Variants in RALYL observed in about 807,000 individuals in gnomAD.
RALYL encodes the protein RNA-binding Raly-like protein.
In RALYL, 29 loss-of-function variants were observed where a neutral mutation model predicts 35.1. That is an observed-to-expected ratio of 0.83 (90% CI 0.61 to 1.13). The LOEUF (loss-of-function observed/expected upper bound fraction) is 1.13, where lower values mean the gene tolerates loss of function less well. RALYL is among the 50% of genes most tolerant of loss of function. The pLI, the probability that RALYL is intolerant of heterozygous loss-of-function variation, is 0.00. For synonymous variants in RALYL, 120 were observed against 127.6 expected (o/e 0.94, Z 0.40); for missense variants, 359 against 360.4 (o/e 1.00, Z 0.03).
In RALYL at chr8:84,595,575, C is replaced by T. The variant is rs543356849; in HGVS notation, c.256+65998C>T. On this transcript the variant is annotated intron_variant, in intron 2 of 8. Transcript: ENST00000521268. The stretch of plus-strand genomic sequence containing the variant: ...CTTTAGTTTTTAAAAGTGTGAATAA[C>T]GGGCACTTTTAAGAATCTTAATGTT... Among the ~76,000 whole-genome samples the T allele has an allele frequency of 3.3e-5, 5 of 152,122 alleles. No individual in the cohort carries two copies. The South Asian group carries it at 6.2e-4, about 19-fold the overall frequency.
intron 4 of RALYL, among the ~76,000 whole-genome samples, chr8:84,841,047 A>C (rs1833184384): frequency 6.6e-6 from 1 of 152,244 alleles, no homozygotes; most frequent in South Asian, 2.1e-4. Flanking sequence ...GTCTAGGAAG[A>C]AACTGCATCA....
At chr8:84,291,596 CTT>C (rs1311303067) in intron 1 of RALYL, among the ~76,000 whole-genome samples, 5 of 152,034 alleles carry the variant, frequency 3.3e-5, no homozygotes, top group African/African-American at 9.7e-5. Context: ...AGTACCATGA[CTT>C]TATTCCTGAT....
At chr8:84,795,509 T>C (rs1419343392) in intron 3 of RALYL, among the ~76,000 whole-genome samples, 1 of 152,222 alleles carries the variant, frequency 6.6e-6, no homozygotes, top group Admixed American at 6.5e-5. Context: ...TTGGCTGTCA[T>C]ACATGGGGCA....
chr8:84,254,014 GTTCAGCACTGTACTGGT>G (rs1417867943), intron 1 of RALYL, among the ~76,000 whole-genome samples: 3 of 152,118 alleles, frequency 2.0e-5, no homozygotes, highest in Non-Finnish European at 4.4e-5. Flanking sequence ...ATCATGATAT[GTTCAGCACTGTACTGGT>G]TTTAGCACTG....
At chr8:84,284,604 G>A (rs999947069) in intron 1 of RALYL, among the ~76,000 whole-genome samples, 1 of 152,132 alleles carries the variant, frequency 6.6e-6, no homozygotes, top group Admixed American at 6.6e-5. Flanking sequence ...CAAGGAAAGA[G>A]CAGTTTTCAC....
chr8:84,879,468 T>C (rs1047623472), intron 7 of RALYL, among the ~76,000 whole-genome samples: 1 of 152,142 alleles, frequency 6.6e-6, no homozygotes, highest in Non-Finnish European at 1.5e-5. Flanking sequence ...CAATTTACAA[T>C]ATGATTCTCT....
At chr8:84,713,543 G>T (rs1589150632) in intron 2 of RALYL, among the ~76,000 whole-genome samples, 1 of 151,980 alleles carries the variant, frequency 6.6e-6, no homozygotes, top group South Asian at 2.1e-4. Context: ...CCTGTTAGAA[G>T]AATTGTTATA....
At chr8:84,407,045 CACTCACACACACACACACACACAA>C (rs1563867337) in intron 1 of RALYL, among the ~76,000 whole-genome samples, 4 of 149,176 alleles carry the variant, frequency 2.7e-5, no homozygotes, top group African/African-American at 1.0e-4. Context: ...TACACACACA[CACTCACACACACACACACACACAA>C]ACACACACAC....
At chr8:84,372,888 T>TTTTTTTGTTTTGTTTTGTTTTG (rs1856093021) in intron 1 of RALYL, among the ~76,000 whole-genome samples, 1 of 107,582 alleles carries the variant, frequency 9.3e-6, no homozygotes, top group Non-Finnish European at 1.8e-5. Flanking sequence ...CAGCATCTGT[T>TTTTTTTGTTTTGTTTTGTTTTG]TTTTTTTTTT....
At chr8:84,251,540 T>C (rs1430726783) in intron 1 of RALYL, among the ~76,000 whole-genome samples, 1 of 152,138 alleles carries the variant, frequency 6.6e-6, no homozygotes, top group Non-Finnish European at 1.5e-5. Flanking sequence ...TTTAGACTGA[T>C]ACTAAACAAA....
At chr8:84,246,409 T>A (rs1465980603) in intron 1 of RALYL, among the ~76,000 whole-genome samples, 3 of 152,092 alleles carry the variant, frequency 2.0e-5, no homozygotes, top group Non-Finnish European at 4.4e-5. Context: ...CAAGGGAGAT[T>A]TTCAAGGAAG....
intron 2 of RALYL, among the ~76,000 whole-genome samples, chr8:84,729,627 A>G (rs1171756790): frequency 6.6e-6 from 1 of 152,206 alleles, no homozygotes; most frequent in East Asian, 1.9e-4. Context: ...TGAAATTGTT[A>G]GACCGCTAGC....
At chr8:84,808,388 A>G (rs10095994) in intron 4 of RALYL, among the ~76,000 whole-genome samples, 4,308 of 152,094 alleles carry the variant, frequency 0.028, 181 homozygotes, top group African/African-American at 0.099. Context: ...CCAGTACCAC[A>G]CCGTTTTGGT....
chr8:84,630,737 C>T (rs1158969619), intron 2 of RALYL, among the ~76,000 whole-genome samples: 1 of 151,918 alleles, frequency 6.6e-6, no homozygotes, highest in African/African-American at 2.4e-5. Flanking sequence ...TCCCTGTGCC[C>T]AGCTCAATGG....
chr8:84,525,947 T>C (rs2058848799), intron 1 of RALYL, among the ~76,000 whole-genome samples: 1 of 134,694 alleles, frequency 7.4e-6, no homozygotes. Context: ...TTCTCTTTTC[T>C]TTTTTCTTTT....
At chr8:84,634,982 C>T (rs1009337126) in intron 2 of RALYL, among the ~76,000 whole-genome samples, 9 of 151,614 alleles carry the variant, frequency 5.9e-5, no homozygotes, top group Admixed American at 5.3e-4. Context: ...CACCTAGTCA[C>T]GTAGTTAGGG....
chr8:84,376,138 T>C (rs1462649602), intron 1 of RALYL, among the ~76,000 whole-genome samples: 1 of 151,868 alleles, frequency 6.6e-6, no homozygotes, highest in African/African-American at 2.4e-5. Context: ...CATTGTAAGA[T>C]AGCTTATGTT....
intron 2 of RALYL, among the ~76,000 whole-genome samples, chr8:84,543,397 A>G (rs2060143439): frequency 6.6e-6 from 1 of 152,046 alleles, no homozygotes; most frequent in Non-Finnish European, 1.5e-5. Context: ...TCAAAATAGT[A>G]AAGTGGTGGT....
At chr8:84,650,415 G>A (rs984150863) in intron 2 of RALYL, among the ~76,000 whole-genome samples, 1 of 151,996 alleles carries the variant, frequency 6.6e-6, no homozygotes, top group Non-Finnish European at 1.5e-5. Context: ...GGCGAAAGAC[G>A]TGAAAAGACA....
Sources: allele counts gnomAD v4.1 joint callset (sites outside exome capture counted in the v4.1 genomes callset), GRCh38; gene constraint gnomAD v4.1.1; transcripts MANE v1.5; gene names NCBI Gene and HGNC (gene_info 2026-07-23, HGNC 2026-07-21).